SLC14A2: variants seen among roughly 807,000 people sequenced by gnomAD.
SLC14A2 encodes urea transporter 2.
SLC14A2 carries 91 observed loss-of-function variants against 104.6 expected under a neutral mutation model. That is an observed-to-expected ratio of 0.87 (90% CI 0.73 to 1.04). The LOEUF (loss-of-function observed/expected upper bound fraction) is 1.04, where lower values mean the gene tolerates loss of function less well. Among genes scored for constraint, SLC14A2 ranks in the 50% least tolerant of loss-of-function variants. SLC14A2 has a pLI of 0.00. For synonymous variants in SLC14A2, 476 were observed against 466.4 expected (o/e 1.02, Z -0.27); for missense variants, 1,189 against 1,156.0 (o/e 1.03, Z -0.41).
At position 45,424,502 on chromosome 18, in the gene SLC14A2, G is replaced by A. The variant is rs74374825; in HGVS notation, c.-124-58731G>A. Among the ~76,000 whole-genome samples, 322 of 152,334 alleles carry A rather than the reference G, an allele frequency of 2.1e-3. 1 individual carries two copies. The highest frequency in any genetic ancestry group is 6.5e-3 in the African/African-American group (269 of 41,578). ...AAAGGGGGTAGGGTCAGCAGGCCCA[G>A]GGGCTTCCCATCAAGGCTTCACTTC... On this transcript the variant is annotated intron_variant, in intron 1 of 20. Transcript: ENST00000586448.
At position 45,669,493 on chromosome 18, in the gene SLC14A2, C is replaced by T; in HGVS notation, c.2224C>T (p.Pro742Ser). 6.2e-7 allele frequency: 1 copy of T among 1,612,372 alleles called. No individual in the cohort carries two copies. The highest frequency in any genetic ancestry group is 8.5e-7 in the Non-Finnish European group (1 of 1,178,864). ...PNITWSEVQV[P>S]LLLRAIPVGI... ...CATCACCTGGTCAGAGGTCCAAGTG[C>T]CCTTGGTACGTATCATGGAAGGAGG... The change falls in exon 16 of 20, where the codon CCC becomes TCC. Residue 742 changes from proline (P) to serine (S), a missense_variant. Pro to Ser is a moderately conservative substitution (Grantham distance 74). Transcript: ENST00000255226.
intron 2 of SLC14A2, among the ~76,000 whole-genome samples, chr18:45,549,061 T>C (rs972005702): frequency 1.3e-5 from 2 of 152,252 alleles, no homozygotes; most frequent in Non-Finnish European, 2.9e-5. Flanking sequence ...TCCATCCTCC[T>C]TCCTATGCTG....
chr18:45,209,180 C>CAA (rs71372700), upstream of SLC14A2, among the ~76,000 whole-genome samples: 9,004 of 83,778 alleles, frequency 0.11, 372 homozygotes, highest in East Asian at 0.17. Context: ...ATTAAAAATA[C>CAA]AAAAAAAAAA....
chr18:45,298,630 G>T (rs1052590694), intron 1 of SLC14A2, among the ~76,000 whole-genome samples: 2 of 152,256 alleles, frequency 1.3e-5, no homozygotes, highest in South Asian at 2.1e-4. Flanking sequence ...GCTTTCAACT[G>T]AGGTTAGCAC....
intron 1 of SLC14A2, among the ~76,000 whole-genome samples, chr18:45,433,769 T>C (rs1260692108): frequency 6.6e-6 from 1 of 152,226 alleles, no homozygotes; most frequent in African/African-American, 2.4e-5. Flanking sequence ...GCACTCATTA[T>C]TGATGAGACC....
chr18:45,248,324 G>A (rs1169733557), intron 1 of SLC14A2, among the ~76,000 whole-genome samples: 1 of 152,080 alleles, frequency 6.6e-6, no homozygotes, highest in African/African-American at 2.4e-5. Context: ...TGATTTGATT[G>A]TTATTTCTTC....
rs542984613 is a variant in SLC14A2 at position 45,682,478 on chromosome 18, G to A, written c.2722G>A (p.Ala908Thr). The A allele has an allele frequency of 2.5e-6, 4 of 1,614,148 alleles. No individual in the cohort carries two copies. Among genetic ancestry groups the A allele is most frequent in the African/African-American group, 1.3e-5 (1 of 75,032 alleles). ...CCTGTCCCAGGAGAGAAACAGAAGG[G>A]CATCAATCATAACAAAGTATCAGGC... ...YYLSQERNRR[A>T]SIITKYQAYD... is the part of the protein sequence containing the mutation. The change falls in exon 20 of 20, where the codon GCA becomes ACA. Residue 908 changes from alanine (A) to threonine (T), a missense_variant. By Grantham distance (58) the Ala-to-Thr change is moderately conservative. Coordinates refer to ENST00000255226, the MANE Select transcript of SLC14A2 (RefSeq NM_007163.4).
At chr18:45,310,421 A>G (rs1162513341) in intron 1 of SLC14A2, among the ~76,000 whole-genome samples, 1 of 152,238 alleles carries the variant, frequency 6.6e-6, no homozygotes. Context: ...ATTATTGCTA[A>G]TTTATATTAG....
chr18:45,652,280 C>A (rs2144590313), intron 10 of SLC14A2, among the ~76,000 whole-genome samples: 1 of 152,308 alleles, frequency 6.6e-6, no homozygotes, highest in South Asian at 2.1e-4. Flanking sequence ...TTTTTCCTGT[C>A]TCTAGCCATT....
intron 1 of SLC14A2, among the ~76,000 whole-genome samples, chr18:45,256,944 G>T (rs117147188): frequency 3.3e-5 from 5 of 152,238 alleles, no homozygotes; most frequent in Non-Finnish European, 7.3e-5. Context: ...TGAAATGGCC[G>T]TATATTACCC....
chr18:45,375,536 A>G (rs1210623948), intron 1 of SLC14A2, among the ~76,000 whole-genome samples: 1 of 152,214 alleles, frequency 6.6e-6, no homozygotes, highest in African/African-American at 2.4e-5. Context: ...AGTTGTCCTT[A>G]AAAACTCTGA....
chr18:45,590,188 T>C (rs1177857586), intron 2 of SLC14A2, among the ~76,000 whole-genome samples: 1 of 152,130 alleles, frequency 6.6e-6, no homozygotes, highest in African/African-American at 2.4e-5. Flanking sequence ...GTCCAACAGT[T>C]TGAAAACCCA....
intron 1 of SLC14A2, among the ~76,000 whole-genome samples, chr18:45,289,783 G>C (rs1198251372): frequency 6.6e-6 from 1 of 152,270 alleles, no homozygotes; most frequent in African/African-American, 2.4e-5. Flanking sequence ...CCTATAAGAA[G>C]TGCCAATGTG....
At chr18:45,261,473 A>T (rs2084536632) in intron 1 of SLC14A2, among the ~76,000 whole-genome samples, 1 of 151,556 alleles carries the variant, frequency 6.6e-6, no homozygotes, top group Admixed American at 6.6e-5. Flanking sequence ...TTAGTTACAT[A>T]TGTATATATG....
chr18:45,556,511 T>TG (rs1386670842), intron 2 of SLC14A2, among the ~76,000 whole-genome samples: 1 of 152,200 alleles, frequency 6.6e-6, no homozygotes, highest in Non-Finnish European at 1.5e-5. Context: ...CAAGGAGGTC[T>TG]GGGTTCTCGG....
intron 1 of SLC14A2, among the ~76,000 whole-genome samples, chr18:45,310,770 C>T (rs527373781): frequency 6.6e-6 from 1 of 152,272 alleles, no homozygotes; most frequent in South Asian, 2.1e-4. Context: ...TGCATATGCT[C>T]AGGCAGATAT....
At chr18:45,336,584 C>G (rs781436689) in intron 1 of SLC14A2, among the ~76,000 whole-genome samples, 4 of 152,192 alleles carry the variant, frequency 2.6e-5, no homozygotes, top group Admixed American at 2.0e-4. Flanking sequence ...CTCTGTCCCC[C>G]TGTTACCTCA....
intron 1 of SLC14A2, among the ~76,000 whole-genome samples, chr18:45,348,419 C>A (rs2085470309): frequency 6.6e-6 from 1 of 152,158 alleles, no homozygotes; most frequent in African/African-American, 2.4e-5. Context: ...TCCCATTAAT[C>A]CCCTAATTCC....
the SLC14A2 span, among the ~76,000 whole-genome samples, chr18:45,188,625 T>C: frequency 6.6e-6 from 1 of 152,166 alleles, no homozygotes; most frequent in Non-Finnish European, 1.5e-5. Context: ...CCTGAATGTC[T>C]TTTCTTTCAC....
Sources: allele counts gnomAD v4.1 joint callset (sites outside exome capture counted in the v4.1 genomes callset), GRCh38; gene constraint gnomAD v4.1.1; transcripts MANE v1.5; gene names NCBI Gene and HGNC (gene_info 2026-07-23, HGNC 2026-07-21).